The following DLG2 variants were observed in gnomAD, a reference collection of about 807,000 sequenced individuals.
The protein encoded by DLG2 is discs large MAGUK scaffold protein 2, also known as disks large homolog 2.
In DLG2, 45 loss-of-function variants were observed where a neutral mutation model predicts 132.5. That is an observed-to-expected ratio of 0.34 (90% CI 0.27 to 0.44). The LOEUF is 0.44. Among genes scored for constraint, DLG2 ranks in the 20% least tolerant of loss-of-function variants. The pLI is 1.00. For missense variants in DLG2, 1,045 were observed against 1,196.9 expected, an observed-to-expected ratio of 0.87 and a Z score of 1.87; for synonymous variants, 424 against 419.6, an observed-to-expected ratio of 1.01 and a Z score of -0.13.
At chr11:84,770,274 T>C (rs55790761) in intron 6 of DLG2, among the ~76,000 whole-genome samples, 2,415 of 152,272 alleles carry the variant, frequency 0.016, 69 homozygotes, top group African/African-American at 0.055. Context: ...TTCCTATACA[T>C]CCTGCAGAAT....
intron 3 of DLG2, among the ~76,000 whole-genome samples, chr11:85,402,317 C>T (rs2088219132): frequency 6.6e-6 from 1 of 152,124 alleles, no homozygotes; most frequent in Admixed American, 6.6e-5. Context: ...GGATCCTTTC[C>T]TTACACCTAG....
intron 6 of DLG2, among the ~76,000 whole-genome samples, chr11:84,769,528 G>T (rs1350249933): frequency 2.0e-5 from 3 of 152,118 alleles, no homozygotes; most frequent in Non-Finnish European, 2.9e-5. Context: ...AGAAAGAGAA[G>T]AAGTAAGCAA....
At chr11:85,228,498 C>A (rs144563875) in intron 4 of DLG2, among the ~76,000 whole-genome samples, 23 of 152,092 alleles carry the variant, frequency 1.5e-4, no homozygotes, top group African/African-American at 4.8e-4. Context: ...ATCTTTTTAA[C>A]CTTTGTTGGT....
At chr11:84,507,522 A>T (rs1332512788) in intron 7 of DLG2, among the ~76,000 whole-genome samples, 1 of 152,214 alleles carries the variant, frequency 6.6e-6, no homozygotes. Context: ...GCTGATAAAT[A>T]AAAACTGGGC....
chr11:84,772,381 G>C (rs985793155), intron 6 of DLG2, among the ~76,000 whole-genome samples: 3 of 146,010 alleles, frequency 2.1e-5, no homozygotes, highest in Non-Finnish European at 4.6e-5. Context: ...GCATTAGATA[G>C]ATCATTGAGG....
chr11:83,865,045 A>T (rs1595635400), intron 16 of DLG2, among the ~76,000 whole-genome samples: 2 of 152,178 alleles, frequency 1.3e-5, no homozygotes, highest in Admixed American at 1.3e-4. Flanking sequence ...TCATCAGATA[A>T]GACTAAGGCT....
Position 85,417,121 on chromosome 11 carries a change from A to T in DLG2, c.41-131756T>A, listed in dbSNP as rs149882163. On this transcript the variant is annotated intron_variant, in intron 3 of 27. Transcript: ENST00000376104. The stretch of plus-strand genomic sequence containing the variant: ...TATTATTTTGAGATATGTTCCATCA[A>T]TACCCTTGTTTATTGAGAGTTTTTA... Among the ~76,000 whole-genome samples the T allele has an allele frequency of 7.7e-3, 1,175 of 152,288 alleles. 12 individuals carry two copies. Among genetic ancestry groups the T allele is most frequent in the Middle Eastern group, 0.014 (4 of 294 alleles).
intron 7 of DLG2, among the ~76,000 whole-genome samples, chr11:84,502,923 A>G (rs2099225656): frequency 6.6e-6 from 1 of 152,206 alleles, no homozygotes; most frequent in African/African-American, 2.4e-5. Context: ...AGGAAATGCT[A>G]CATGGAGAAG....
At chr11:83,650,996 C>A (rs2070124674) in intron 18 of DLG2, among the ~76,000 whole-genome samples, 1 of 152,094 alleles carries the variant, frequency 6.6e-6, no homozygotes. Flanking sequence ...ATTAATCATG[C>A]CCCTCTTCAT....
intron 7 of DLG2, among the ~76,000 whole-genome samples, chr11:84,433,532 C>A (rs1411655266): frequency 2.6e-5 from 4 of 152,334 alleles, no homozygotes; most frequent in East Asian, 3.9e-4. Context: ...GCCAGGCAAT[C>A]TGGATTTCAC....
chr11:84,893,273 G>A (rs1249035542), intron 6 of DLG2, among the ~76,000 whole-genome samples: 12 of 152,086 alleles, frequency 7.9e-5, no homozygotes, highest in Non-Finnish European at 1.2e-4. Context: ...TCAAGAGTTC[G>A]ACCCTGCATC....
intron 9 of DLG2, among the ~76,000 whole-genome samples, chr11:84,107,782 T>G (rs1313899752): frequency 6.6e-6 from 1 of 152,130 alleles, no homozygotes; most frequent in Non-Finnish European, 1.5e-5. Context: ...ATGTCTTTAC[T>G]CCATATATTT....
In DLG2 at chr11:84,492,955, C is replaced by T. The variant is rs1418958920; in HGVS notation, c.519+41615G>A. On this transcript the variant is annotated intron_variant, in intron 7 of 27. Coordinates refer to ENST00000376104, the MANE Select transcript of DLG2 (RefSeq NM_001142699.3). Reference sequence around the variant, plus strand: ...ATATCATATTTCTAATGGTCAGGTTCCTGATGTTTTGATAAAAGGAACAGT... The same window carrying T: ...ATATCATATTTCTAATGGTCAGGTTTCTGATGTTTTGATAAAAGGAACAGT... Among the ~76,000 whole-genome samples the T allele has an allele frequency of 5.9e-5, 9 of 151,992 alleles. No homozygotes were observed. In the East Asian group the frequency reaches 1.5e-3, roughly 26 times the overall value.
rs116403443 is a variant in DLG2, at chr11:84,655,161, C to T, written c.358-120430G>A. 3.8e-3 allele frequency among the ~76,000 whole-genome samples: 578 copies of T among 152,180 alleles called. 1 individual carries two copies. Among genetic ancestry groups the T allele is most frequent in the African/African-American group, 0.013 (550 of 41,532 alleles). ...GCTCTGATCTGCCCTGTGTATTGTA[C>T]CCATCATCAATAGGTTTGCAGGGCA... On this transcript the variant is annotated intron_variant, in intron 6 of 27. Coordinates refer to ENST00000376104, the MANE Select transcript of DLG2 (RefSeq NM_001142699.3).
chr11:84,120,807 T>G (rs1036801677), intron 9 of DLG2, among the ~76,000 whole-genome samples: 4 of 152,348 alleles, frequency 2.6e-5, no homozygotes, highest in Admixed American at 2.0e-4. Context: ...GTGACAATGT[T>G]TAATTTTTGA....
At chr11:85,412,760 C>CAT (rs200280952) in intron 3 of DLG2, among the ~76,000 whole-genome samples, 339 of 113,238 alleles carry the variant, frequency 3.0e-3, no homozygotes, top group East Asian at 6.9e-3. Flanking sequence ...CACACACACA[C>CAT]ATATATATAT....
At chr11:85,272,786 G>T (rs1006225077) in intron 4 of DLG2, among the ~76,000 whole-genome samples, 9 of 152,036 alleles carry the variant, frequency 5.9e-5, no homozygotes, top group African/African-American at 1.4e-4. Flanking sequence ...AAAAGAGCCC[G>T]CATCACCAAG....
chr11:83,874,526 T>G lies in DLG2; in HGVS notation c.1497-38A>C, dbSNP rs548715390. 7 of 1,446,156 alleles carry G rather than the reference T, an allele frequency of 4.8e-6. No individual in the cohort carries two copies. The South Asian group carries it at 9.9e-5, about 20-fold the overall frequency. 89.6% of individuals were successfully genotyped at this position (1,446,156 alleles called of 1,614,324 possible). Reference sequence around the variant, plus strand: ...ACAGAAGAAACACACATCATTTATTTATTTTTTATTTTTTTATTTTTTTAT... The same window carrying G: ...ACAGAAGAAACACACATCATTTATTGATTTTTTATTTTTTTATTTTTTTAT... On this transcript the variant is annotated intron_variant, in intron 15 of 27. Transcript: ENST00000376104.
chr11:84,874,693 T>C (rs2086046148), intron 6 of DLG2, among the ~76,000 whole-genome samples: 1 of 152,046 alleles, frequency 6.6e-6, no homozygotes, highest in Admixed American at 6.6e-5. Context: ...TGAATTAGAC[T>C]GATAGAAGGA....
Sources: gnomAD v4.1 joint callset for allele counts (sites outside exome capture counted in the v4.1 genomes callset) on GRCh38, gnomAD v4.1.1 for gene constraint, MANE v1.5 for transcripts, NCBI Gene and HGNC (gene_info 2026-07-23, HGNC 2026-07-21) for gene names.